The following NLGN1 variants were observed in gnomAD, a reference collection of about 807,000 sequenced individuals.
NLGN1 encodes neuroligin-1.
In NLGN1, 12 loss-of-function variants were observed where a neutral mutation model predicts 65.5. The ratio of observed to expected loss-of-function variants is 0.18; its 90% CI spans 0.12 to 0.30. The LOEUF (loss-of-function observed/expected upper bound fraction) is 0.30, where lower values mean the gene tolerates loss of function less well. NLGN1 is among the 10% of genes least tolerant of loss of function. The pLI is 1.00. For synonymous variants in NLGN1, 350 were observed against 359.5 expected, an observed-to-expected ratio of 0.97 and a Z score of 0.30; for missense variants, 750 against 1,007.1, an observed-to-expected ratio of 0.74 and a Z score of 3.46.
At chr3:173,852,721 T>C (rs1325295981) in intron 4 of NLGN1, among the ~76,000 whole-genome samples, 1 of 152,216 alleles carries the variant, frequency 6.6e-6, no homozygotes, top group Non-Finnish European at 1.5e-5. Context: ...AAAAGCAAAT[T>C]GGAAATTTCC....
chr3:173,762,965 T>TACACACACACACACACACACACACACAC (rs111427276), intron 3 of NLGN1, among the ~76,000 whole-genome samples: 3 of 143,254 alleles, frequency 2.1e-5, no homozygotes, highest in African/African-American at 7.8e-5. Context: ...TTGTCTCTGA[T>TACACACACACACACACACACACACACAC]ACACACACAC....
At chr3:173,727,026 G>A (rs1455946280) in intron 3 of NLGN1, among the ~76,000 whole-genome samples, 2 of 151,678 alleles carry the variant, frequency 1.3e-5, no homozygotes, top group Non-Finnish European at 2.9e-5. Context: ...AACAGAAAAG[G>A]AGAGAGAAAG....
At chr3:173,847,726 G>T (rs1726058588) in intron 4 of NLGN1, among the ~76,000 whole-genome samples, 1 of 152,104 alleles carries the variant, frequency 6.6e-6, no homozygotes, top group Admixed American at 6.5e-5. Context: ...ACAAAAATTA[G>T]CCAGGTGTGG....
intron 4 of NLGN1, among the ~76,000 whole-genome samples, chr3:174,049,683 G>T (rs34262283): frequency 0.019 from 2,858 of 152,174 alleles, 36 homozygotes; most frequent in Non-Finnish European, 0.032. Context: ...AATTGATTAT[G>T]CATATTTCTC....
intron 3 of NLGN1, among the ~76,000 whole-genome samples, chr3:173,760,780 G>A (rs1425536385): frequency 6.6e-6 from 1 of 151,952 alleles, no homozygotes; most frequent in Admixed American, 6.6e-5. Flanking sequence ...TTCATATTCT[G>A]CCCTCAGTCA....
At chr3:173,468,050 C>T (rs1417739690) in intron 2 of NLGN1, among the ~76,000 whole-genome samples, 1 of 152,100 alleles carries the variant, frequency 6.6e-6, no homozygotes, top group Non-Finnish European at 1.5e-5. Flanking sequence ...CTCAGACAAA[C>T]ACATACTATA....
chr3:173,533,577 T>A (rs1736952814), intron 2 of NLGN1, among the ~76,000 whole-genome samples: 1 of 152,196 alleles, frequency 6.6e-6, no homozygotes, highest in Non-Finnish European at 1.5e-5. Context: ...TGTGAAATCC[T>A]GTATGACAGA....
intron 4 of NLGN1, among the ~76,000 whole-genome samples, chr3:174,107,467 G>C (rs1341710740): frequency 6.6e-6 from 1 of 152,106 alleles, no homozygotes; most frequent in Non-Finnish European, 1.5e-5. Context: ...TGTATTAATA[G>C]ATCTTTCCAG....
chr3:173,930,582 G>T (rs1428342401), intron 4 of NLGN1, among the ~76,000 whole-genome samples: 2 of 152,088 alleles, frequency 1.3e-5, no homozygotes, highest in South Asian at 2.1e-4. Context: ...AAGAAACCAG[G>T]ATAGACTGAG....
intron 2 of NLGN1, among the ~76,000 whole-genome samples, chr3:173,454,009 T>G (rs1438166331): frequency 6.6e-6 from 1 of 152,244 alleles, no homozygotes; most frequent in Non-Finnish European, 1.5e-5. Context: ...AATTGCCTCT[T>G]GATTCATTGA....
chr3:173,999,968 T>G, intron 4 of NLGN1, among the ~76,000 whole-genome samples: 1 of 140,408 alleles, frequency 7.1e-6, no homozygotes, highest in East Asian at 2.0e-4. Flanking sequence ...AACAAACAGG[T>G]TTTTTTTTTT....
chr3:173,541,904 C>G (rs1738937717), intron 2 of NLGN1, among the ~76,000 whole-genome samples: 1 of 151,962 alleles, frequency 6.6e-6, no homozygotes, highest in African/African-American at 2.4e-5. Flanking sequence ...GGATTTTGTT[C>G]ATTCTTTTTG....
chr3:174,198,220 A>G (rs6773153), intron 4 of NLGN1, among the ~76,000 whole-genome samples: 31,285 of 152,080 alleles, frequency 0.21, 3,630 homozygotes, highest in African/African-American at 0.31. Context: ...TATGTATTGT[A>G]GGTCAGATAC....
At chr3:174,016,437 G>A (rs1443188820) in intron 4 of NLGN1, among the ~76,000 whole-genome samples, 2 of 152,088 alleles carry the variant, frequency 1.3e-5, no homozygotes, top group Non-Finnish European at 1.5e-5. Context: ...AGTACATCTC[G>A]GAAAGAGCTG....
chr3:174,128,842 C>T (rs144056584), intron 4 of NLGN1, among the ~76,000 whole-genome samples: 1 of 152,240 alleles, frequency 6.6e-6, no homozygotes, highest in Non-Finnish European at 1.5e-5. Context: ...TTATCAATCA[C>T]CCTCCTCACT....
intron 4 of NLGN1, among the ~76,000 whole-genome samples, chr3:174,087,116 A>C (rs1743572742): frequency 1.3e-5 from 2 of 152,156 alleles, no homozygotes; most frequent in Non-Finnish European, 2.9e-5. Flanking sequence ...ACTGGAGCCC[A>C]CTTGAGGGTG....
At chr3:173,727,029 A>G (rs990923697) in intron 3 of NLGN1, among the ~76,000 whole-genome samples, 1 of 152,140 alleles carries the variant, frequency 6.6e-6, no homozygotes, top group African/African-American at 2.4e-5. Context: ...AGAAAAGGAG[A>G]GAGAAAGAAA....
In NLGN1 at chr3:173,850,901, A is replaced by AT. The variant is rs767368110; in HGVS notation, c.646+43080dup. Reference sequence around the variant, plus strand: ...ACAGACATGATACCACATCTGGCTAATTTTTTTTTTTAATTTTACTTTCTG... The same window carrying AT: ...ACAGACATGATACCACATCTGGCTAATTTTTTTTTTTTAATTTTACTTTCTG... On this transcript the variant is annotated intron_variant, in intron 4 of 6. Coordinates refer to ENST00000457714, the Ensembl canonical transcript of NLGN1. Among the ~76,000 whole-genome samples, 496 of 147,774 alleles carry AT rather than the reference A, an allele frequency of 3.4e-3. 2 individuals are homozygous for AT. Among genetic ancestry groups the AT allele is most frequent in the African/African-American group, 0.011 (449 of 40,424 alleles).
intron 4 of NLGN1, among the ~76,000 whole-genome samples, chr3:173,967,829 T>G (rs1414468422): frequency 2.6e-5 from 4 of 152,214 alleles, no homozygotes; most frequent in Non-Finnish European, 4.4e-5. Flanking sequence ...CATTGCTATT[T>G]CTTTATATAT....
Sources: gnomAD v4.1 joint callset for allele counts (sites outside exome capture counted in the v4.1 genomes callset) on GRCh38, gnomAD v4.1.1 for gene constraint, MANE v1.5 for transcripts, NCBI Gene and HGNC (gene_info 2026-07-23, HGNC 2026-07-21) for gene names.